The following MBOAT2 variants were observed in gnomAD, a reference collection of about 807,000 sequenced individuals.
MBOAT2 encodes membrane-bound glycerophospholipid O-acyltransferase 2.
A neutral mutation model predicts 63.4 loss-of-function variants in MBOAT2; 28 were observed. The observed-to-expected ratio is 0.44, with a 90% CI of 0.33 to 0.61. The LOEUF (loss-of-function observed/expected upper bound fraction) is 0.61. Among genes scored for constraint, MBOAT2 ranks in the 20% least tolerant of loss-of-function variants. The pLI, the probability that MBOAT2 is intolerant of heterozygous loss-of-function variation, is 0.03. For missense variants in MBOAT2, 470 were observed against 605.8 expected, an observed-to-expected ratio of 0.78 and a Z score of 2.35; for synonymous variants, 211 against 215.6, an observed-to-expected ratio of 0.98 and a Z score of 0.19.
At chr2:8,944,621 A>G (rs1034594152) in intron 2 of MBOAT2, among the ~76,000 whole-genome samples, 2 of 151,486 alleles carry the variant, frequency 1.3e-5, no homozygotes, top group Non-Finnish European at 2.9e-5. Flanking sequence ...CCCACTGTAC[A>G]GAATAGGTCA....
At chr2:8,915,090 C>T (rs1401530422) in intron 3 of MBOAT2, among the ~76,000 whole-genome samples, 3 of 151,592 alleles carry the variant, frequency 2.0e-5, no homozygotes, top group Non-Finnish European at 1.5e-5. Flanking sequence ...AGGTACCCGC[C>T]ATCACACCCA....
intron 3 of MBOAT2, among the ~76,000 whole-genome samples, chr2:8,918,479 G>C (rs947994330): frequency 1.3e-5 from 2 of 152,184 alleles, no homozygotes; most frequent in Non-Finnish European, 2.9e-5. Flanking sequence ...GAGACACTAA[G>C]TGAACACATG....
At chr2:8,885,203 A>G (rs1240236870) in intron 5 of MBOAT2, among the ~76,000 whole-genome samples, 2 of 152,192 alleles carry the variant, frequency 1.3e-5, no homozygotes, top group Non-Finnish European at 2.9e-5. Context: ...GTAAATTCGG[A>G]GTCAGGAATC....
rs73157437 is a variant in MBOAT2, at chr2:8,939,447, G to C, written c.299+3740C>G. Among the ~76,000 whole-genome samples the C allele has an allele frequency of 6.1e-3, 931 of 152,342 alleles. 6 individuals are homozygous for C. Among genetic ancestry groups the C allele is most frequent in the African/African-American group, 0.022 (903 of 41,562 alleles). ...ACAGAGTCCGATGGCATCAACCGCA[G>C]TGGGAGCACGGGGGAAAGATGTCTT... On this transcript the variant is annotated intron_variant, in intron 3 of 12. Coordinates refer to ENST00000305997, the MANE Select transcript of MBOAT2 (RefSeq NM_138799.4).
At chr2:8,927,694 C>A (rs1667028253) in intron 3 of MBOAT2, among the ~76,000 whole-genome samples, 1 of 152,014 alleles carries the variant, frequency 6.6e-6, no homozygotes, top group South Asian at 2.1e-4. Flanking sequence ...GAAGGCACAG[C>A]CAGGAGAACT....
intron 6 of MBOAT2, among the ~76,000 whole-genome samples, chr2:8,880,510 G>T (rs2148536846): frequency 6.6e-6 from 1 of 152,358 alleles, no homozygotes; most frequent in East Asian, 1.9e-4. Context: ...CCTTGAAATG[G>T]CAGTTGGATA....
chr2:8,871,227 G>C (rs1368355880), intron 8 of MBOAT2, among the ~76,000 whole-genome samples: 3 of 151,986 alleles, frequency 2.0e-5, no homozygotes, highest in Non-Finnish European at 4.4e-5. Context: ...CAAACTTCTG[G>C]CTTCAAGTCA....
chr2:8,864,022 G>A, intron 10 of MBOAT2, 148 bp downstream of exon 10: 1 of 556,380 alleles, frequency 1.8e-6, no homozygotes, highest in Non-Finnish European at 3.2e-6. Context: ...ACTTGCTTAG[G>A]AGGAGGCTAA....
At chr2:8,992,333 C>T (rs1255903901) in intron 1 of MBOAT2, among the ~76,000 whole-genome samples, 1 of 152,180 alleles carries the variant, frequency 6.6e-6, no homozygotes, top group Admixed American at 6.5e-5. Context: ...TTGAAGGTCT[C>T]GCTACATTGC....
chr2:8,870,379 T>G (rs548545315), intron 8 of MBOAT2, among the ~76,000 whole-genome samples: 3 of 152,202 alleles, frequency 2.0e-5, no homozygotes, highest in African/African-American at 4.8e-5. Flanking sequence ...AATGTACATG[T>G]GGATACAAAA....
At chr2:9,000,941 C>T (rs1672640551) in intron 1 of MBOAT2, among the ~76,000 whole-genome samples, 1 of 152,084 alleles carries the variant, frequency 6.6e-6, no homozygotes, top group Non-Finnish European at 1.5e-5. Context: ...CCTTTATATC[C>T]TTATTCTATC....
intron 3 of MBOAT2, among the ~76,000 whole-genome samples, chr2:8,939,620 A>C (rs1042207662): frequency 6.6e-6 from 1 of 152,128 alleles, no homozygotes; most frequent in African/African-American, 2.4e-5. Context: ...TCCACACCAC[A>C]CAGGTCCTAG....
chr2:8,959,078 T>C (rs561631382), intron 1 of MBOAT2, among the ~76,000 whole-genome samples: 1 of 152,288 alleles, frequency 6.6e-6, no homozygotes, highest in Admixed American at 6.5e-5. Flanking sequence ...TGTCCCCAAG[T>C]TCCCTGAGAC....
intron 1 of MBOAT2, among the ~76,000 whole-genome samples, chr2:8,977,484 G>A (rs1670902326): frequency 6.6e-6 from 1 of 152,024 alleles, no homozygotes; most frequent in Admixed American, 6.6e-5. Context: ...TCTTACAAAG[G>A]CTCTTAGAAC....
Position 8,853,956 on chromosome 2 carries a change from A to T in MBOAT2, c.*4723T>A, listed in dbSNP as rs1660923157. 1 of 152,228 alleles carries T rather than the reference A, an allele frequency of 6.6e-6. No homozygotes were observed. Among genetic ancestry groups the T allele is most frequent in the African/African-American group, 2.4e-5 (1 of 41,464 alleles). The allele number at this position is 152,228 out of a possible 1,614,324, so 9.4% of individuals were successfully genotyped here. On this transcript the variant is annotated 3_prime_UTR_variant, in exon 13 of 13. Transcript: ENST00000305997. ...CCTATTAAAATAAATATTATTTTAAAACATACAAAAACATTATTCAGCAGC... is the reference window on the plus strand; with the variant it reads ...CCTATTAAAATAAATATTATTTTAATACATACAAAAACATTATTCAGCAGC...
In MBOAT2 at chr2:8,880,944, C is replaced by T. The variant is rs554338771; in HGVS notation, c.506+1567G>A. Reference sequence around the variant, plus strand: ...GAGAATGAGGGGAGACACTGAATGTCGACAAAGCCTTCAAGAAGTGCTCCT... The same window carrying T: ...GAGAATGAGGGGAGACACTGAATGTTGACAAAGCCTTCAAGAAGTGCTCCT... On this transcript the variant is annotated intron_variant, in intron 6 of 12. Transcript: ENST00000305997. Among the ~76,000 whole-genome samples, 7 of 152,242 alleles carry T rather than the reference C, an allele frequency of 4.6e-5. No individual in the cohort carries two copies. The East Asian group carries it at 5.8e-4, about 13-fold the overall frequency.
At position 8,855,087 on chromosome 2, in the gene MBOAT2, G is replaced by A. The variant is rs1376377735; in HGVS notation, c.*3592C>T. On this transcript the variant is annotated 3_prime_UTR_variant, in exon 13 of 13. Coordinates refer to ENST00000305997, the MANE Select transcript of MBOAT2 (RefSeq NM_138799.4). ...GCCAGTAGAAAAAGTATGTTGCCATGCCTTCTGATTTAAGGGATTCAGAGG... is the reference window on the plus strand; with the variant it reads ...GCCAGTAGAAAAAGTATGTTGCCATACCTTCTGATTTAAGGGATTCAGAGG... 1 of 152,194 alleles carries A rather than the reference G, an allele frequency of 6.6e-6. No individual in the cohort carries two copies. Among genetic ancestry groups the A allele is most frequent in the Non-Finnish European group, 1.5e-5 (1 of 68,036 alleles). 9.4% of individuals were successfully genotyped at this position (152,194 alleles called of 1,614,324 possible).
Position 8,855,715 on chromosome 2 carries a change from T to C in MBOAT2, c.*2964A>G, listed in dbSNP as rs1301379514. On this transcript the variant is annotated 3_prime_UTR_variant, in exon 13 of 13. Transcript: ENST00000305997. ...TTATAAAATGGTGACAGCTGAGGCA[T>C]ACCAAATTATACTCTTACTGTTTCA... is the stretch of plus-strand genomic sequence containing the variant. The C allele has an allele frequency of 1.3e-5, 2 of 152,184 alleles. No individual in the cohort carries two copies. The highest frequency in any genetic ancestry group is 4.8e-5 in the African/African-American group (2 of 41,446). 9.4% of individuals were successfully genotyped at this position (152,184 alleles called of 1,614,324 possible).
intron 7 of MBOAT2, among the ~76,000 whole-genome samples, chr2:8,876,432 C>T (rs1278649580): frequency 6.6e-6 from 1 of 152,244 alleles, no homozygotes; most frequent in Non-Finnish European, 1.5e-5. Flanking sequence ...GTGCACACCA[C>T]AGTGCCTGGC....
Sources: gnomAD v4.1 joint callset for allele counts (sites outside exome capture counted in the v4.1 genomes callset) on GRCh38, gnomAD v4.1.1 for gene constraint, MANE v1.5 for transcripts, NCBI Gene and HGNC (gene_info 2026-07-23, HGNC 2026-07-21) for gene names.